The following CCDC85A variants were observed in gnomAD, a reference collection of about 807,000 sequenced individuals.
CCDC85A encodes coiled-coil domain-containing protein 85A.
CCDC85A carries 38 observed loss-of-function variants against 50.2 expected under a neutral mutation model. The ratio of observed to expected loss-of-function variants is 0.76; its 90% CI spans 0.58 to 0.99. CCDC85A has a LOEUF of 0.99. Among genes scored for constraint, CCDC85A ranks in the 50% least tolerant of loss-of-function variants. CCDC85A has a pLI of 0.00. For missense variants in CCDC85A, 820 were observed against 742.0 expected (o/e 1.11, Z -1.22); for synonymous variants, 366 against 301.4 (o/e 1.21, Z -2.22).
intron 2 of CCDC85A, among the ~76,000 whole-genome samples, chr2:56,330,446 A>AGT (rs1366156898): frequency 1.3e-5 from 2 of 152,190 alleles, no homozygotes; most frequent in Non-Finnish European, 2.9e-5. Context: ...AATTGCTTCA[A>AGT]ACTGTCCTGG....
At chr2:56,303,576 A>G (rs1019185438) in intron 2 of CCDC85A, among the ~76,000 whole-genome samples, 7 of 152,132 alleles carry the variant, frequency 4.6e-5, no homozygotes, top group Non-Finnish European at 7.3e-5. Flanking sequence ...TTCTAAGGAT[A>G]GTAATTGCTG....
Position 56,367,023 on chromosome 2 carries a change from G to A in CCDC85A, c.1318-5321G>A, listed in dbSNP as rs186921318. On this transcript the variant is annotated intron_variant, in intron 3 of 5. Coordinates refer to ENST00000407595, the MANE Select transcript of CCDC85A (RefSeq NM_001080433.2). ...GCTGGCAATTTTATTCTTTCCTAAT[G>A]TGACTGCTTCAAGTTAAGTGCAGAA... 2.0e-4 allele frequency among the ~76,000 whole-genome samples: 31 copies of A among 152,208 alleles called. No homozygotes were observed. The East Asian group carries it at 5.2e-3, about 26-fold the overall frequency.
chr2:56,239,230 A>G (rs1669151824), intron 2 of CCDC85A, among the ~76,000 whole-genome samples: 1 of 152,066 alleles, frequency 6.6e-6, no homozygotes. Flanking sequence ...TTTGGGTCAG[A>G]AAAAGAAATA....
chr2:56,220,971 TCCCCGTCAGTACCACATTTGG>T (rs1668300591), intron 2 of CCDC85A, among the ~76,000 whole-genome samples: 1 of 152,002 alleles, frequency 6.6e-6, no homozygotes, highest in Non-Finnish European at 1.5e-5. Context: ...CCAGCCCTGC[TCCCCGTCAGTACCACATTTGG>T]CCCACTGGAT....
intron 2 of CCDC85A, among the ~76,000 whole-genome samples, chr2:56,280,000 A>G (rs1225874736): frequency 1.3e-5 from 2 of 152,164 alleles, no homozygotes; most frequent in East Asian, 3.9e-4. Flanking sequence ...TAAATCTAAA[A>G]CCTGAAAGAA....
intron 1 of CCDC85A, among the ~76,000 whole-genome samples, chr2:56,191,525 A>G (rs1050253401): frequency 6.6e-6 from 1 of 152,226 alleles, no homozygotes; most frequent in African/African-American, 2.4e-5. Flanking sequence ...GATTTCAAAC[A>G]TGGGAATGAC....
chr2:56,329,025 G>A (rs546996081), intron 2 of CCDC85A, among the ~76,000 whole-genome samples: 2 of 152,208 alleles, frequency 1.3e-5, no homozygotes, highest in South Asian at 4.2e-4. Flanking sequence ...CACAATCCAA[G>A]CTTCTTATGT....
At chr2:56,371,292 A>G (rs1287010299) in intron 3 of CCDC85A, among the ~76,000 whole-genome samples, 1 of 152,074 alleles carries the variant, frequency 6.6e-6, no homozygotes, top group African/African-American at 2.4e-5. Context: ...TTCTTACTTC[A>G]CTTAAGACCA....
At chr2:56,326,128 A>G (rs1444000644) in intron 2 of CCDC85A, among the ~76,000 whole-genome samples, 1 of 152,066 alleles carries the variant, frequency 6.6e-6, no homozygotes, top group African/African-American at 2.4e-5. Flanking sequence ...TCCAGCAGTG[A>G]GGACTATTTA....
intron 2 of CCDC85A, among the ~76,000 whole-genome samples, chr2:56,250,547 T>TGA (rs749246333): frequency 1.3e-5 from 2 of 152,030 alleles, no homozygotes; most frequent in Admixed American, 1.3e-4. Context: ...AGAAGCTCAG[T>TGA]GAGAGAGAGA....
chr2:56,373,840 A>C (rs148651209), intron 4 of CCDC85A, among the ~76,000 whole-genome samples: 1 of 152,308 alleles, frequency 6.6e-6, no homozygotes, highest in African/African-American at 2.4e-5. Flanking sequence ...AGAGAAGAGT[A>C]GAGGACCAGG....
intron 2 of CCDC85A, among the ~76,000 whole-genome samples, chr2:56,231,317 A>G (rs1020385405): frequency 2.6e-5 from 4 of 152,236 alleles, no homozygotes; most frequent in African/African-American, 9.6e-5. Context: ...CCTTTTATAG[A>G]AAGTCTCTCA....
At chr2:56,214,576 T>G (rs1040941451) in intron 2 of CCDC85A, among the ~76,000 whole-genome samples, 2 of 137,360 alleles carry the variant, frequency 1.5e-5, no homozygotes, top group African/African-American at 2.7e-5. Context: ...TAATTGTGTG[T>G]TTTTTTTGGA....
Position 56,184,055 on chromosome 2 carries a change from C to T in CCDC85A, c.-570C>T, listed in dbSNP as rs1011004147. The T allele has an allele frequency of 7.1e-6, 7 of 984,586 alleles. No homozygotes were observed. The Admixed American group carries it at 1.8e-4, about 26-fold the overall frequency. The allele number at this position is 984,586 out of a possible 1,614,324, so 61.0% of individuals were successfully genotyped here. On this transcript the variant is annotated 5_prime_UTR_variant, in exon 1 of 6. Coordinates refer to ENST00000407595, the MANE Select transcript of CCDC85A (RefSeq NM_001080433.2). ...AGCCTAGGAGCGGCCGCGGGCGCAG[C>T]GAAGGCGGCAGGAGGAGCGCAGCAG...
chr2:56,229,489 C>A (rs971424339), intron 2 of CCDC85A, among the ~76,000 whole-genome samples: 1 of 152,094 alleles, frequency 6.6e-6, no homozygotes, highest in Admixed American at 6.6e-5. Context: ...CTTAGTTCTT[C>A]AAGCTTTTCT....
intron 5 of CCDC85A, among the ~76,000 whole-genome samples, chr2:56,380,884 T>C (rs566828498): frequency 6.6e-6 from 1 of 152,298 alleles, no homozygotes; most frequent in Non-Finnish European, 1.5e-5. Context: ...CTGATTTTAA[T>C]TGGCTTTACA....
At chr2:56,317,267 T>G (rs1489607259) in intron 2 of CCDC85A, among the ~76,000 whole-genome samples, 2 of 152,144 alleles carry the variant, frequency 1.3e-5, no homozygotes. Context: ...TTAAGCAATT[T>G]ATCTGTAAAT....
rs542408431 is a variant in CCDC85A, at chr2:56,372,957, A to G, written c.1452+479A>G. ...TAAATTCCCTGTTTGGCTCAGTAGC[A>G]TATTTTTTTAAATAGTTCAGTGAAA... On this transcript the variant is annotated intron_variant, in intron 4 of 5. Coordinates refer to ENST00000407595, the MANE Select transcript of CCDC85A (RefSeq NM_001080433.2). 2.0e-5 allele frequency among the ~76,000 whole-genome samples: 3 copies of G among 152,318 alleles called. No individual in the cohort carries two copies. In the East Asian group the frequency reaches 5.8e-4, roughly 29 times the overall value.
At chr2:56,221,040 G>T (rs191418408) in intron 2 of CCDC85A, among the ~76,000 whole-genome samples, 230 of 151,992 alleles carry the variant, frequency 1.5e-3, no homozygotes, top group African/African-American at 5.0e-3. Context: ...TTCCAATTTT[G>T]TAAAAAAGTC....
Sources: gnomAD v4.1 joint callset for allele counts (sites outside exome capture counted in the v4.1 genomes callset) on GRCh38, gnomAD v4.1.1 for gene constraint, MANE v1.5 for transcripts, NCBI Gene and HGNC (gene_info 2026-07-23, HGNC 2026-07-21) for gene names.